SPESP1: variants seen among roughly 807,000 people sequenced by gnomAD.
SPESP1 encodes equatorial segment protein.
A neutral mutation model predicts 3.1 loss-of-function variants in SPESP1; 1 was observed. The observed-to-expected ratio is 0.33, with a 90% CI of 0.12 to 1.54. The LOEUF is 1.54. Among genes scored for constraint, SPESP1 ranks in the 40% most tolerant of loss-of-function variants. SPESP1 has a pLI of 0.38. For missense variants in SPESP1, 398 were observed against 410.1 expected, an observed-to-expected ratio of 0.97 and a Z score of 0.26; for synonymous variants, 138 against 150.7, an observed-to-expected ratio of 0.92 and a Z score of 0.62.
chr15:68,937,591 C>T (rs551715426), intron 1 of SPESP1, among the ~76,000 whole-genome samples: 4 of 152,076 alleles, frequency 2.6e-5, no homozygotes, highest in Non-Finnish European at 5.9e-5. Flanking sequence ...CATCTATTGG[C>T]CCATCCTTTA....
chr15:68,938,937 T>C (rs1373217907), intron 1 of SPESP1, among the ~76,000 whole-genome samples: 1 of 152,242 alleles, frequency 6.6e-6, no homozygotes, highest in Non-Finnish European at 1.5e-5. Context: ...TGGAAGCTAT[T>C]AGGATCTTTT....
intron 1 of SPESP1, among the ~76,000 whole-genome samples, chr15:68,943,068 A>G (rs772999746): frequency 3.3e-5 from 5 of 150,868 alleles, no homozygotes; most frequent in Middle Eastern, 3.4e-3. Context: ...ACTATATTAA[A>G]TGATTGGTGT....
chr15:68,939,420 A>G (rs1895761319), intron 1 of SPESP1, among the ~76,000 whole-genome samples: 1 of 152,228 alleles, frequency 6.6e-6, no homozygotes, highest in Non-Finnish European at 1.5e-5. Flanking sequence ...AATGGAGAAA[A>G]ACAGGTTTTC....
rs1595724613 is a variant in SPESP1, at chr15:68,946,274, A to G, written c.740A>G (p.Asn247Ser). ...VQQALLSDTS[N>S]PAYREDIEAS... Reference sequence around the variant, plus strand: ...CAGGCACTTCTTAGTGACACCAGCAACCCAGCATATAGAGAAGATATTGAA... The same window carrying G: ...CAGGCACTTCTTAGTGACACCAGCAGCCCAGCATATAGAGAAGATATTGAA... Residue 247 changes from asparagine (N) to serine (S), a missense_variant, in exon 2 of 2, where the codon AAC (asparagine) becomes AGC (serine). Asn to Ser is a conservative substitution (Grantham distance 46). Coordinates refer to ENST00000310673, the MANE Select transcript of SPESP1 (RefSeq NM_145658.4). The G allele has an allele frequency of 6.2e-7, 1 of 1,614,122 alleles. No homozygotes were observed. Among genetic ancestry groups the G allele is most frequent in the East Asian group, 2.2e-5 (1 of 44,894 alleles).
chr15:68,946,019 T>C lies in SPESP1; in HGVS notation c.485T>C (p.Leu162Ser). 1 of 1,614,176 alleles carries C rather than the reference T, an allele frequency of 6.2e-7. No homozygotes were observed. The highest frequency in any genetic ancestry group is 8.5e-7 in the Non-Finnish European group (1 of 1,180,022). ...AAACAAACTGAGGCACCAAGAATGTTGCCAGTTGTTACTGAATCATCTACA... is the reference window on the plus strand; with the variant it reads ...AAACAAACTGAGGCACCAAGAATGTCGCCAGTTGTTACTGAATCATCTACA... Reference protein sequence around the residue: ...AAKQTEAPRMLPVVTESSTSP... With the variant: ...AAKQTEAPRMSPVVTESSTSP... Residue 162 changes from leucine (L) to serine (S), a missense_variant, in exon 2 of 2, where the codon TTG (leucine) becomes TCG (serine). Transcript: ENST00000310673.
intron 1 of SPESP1, among the ~76,000 whole-genome samples, chr15:68,940,592 A>G (rs1895794965): frequency 1.3e-5 from 2 of 151,840 alleles, no homozygotes; most frequent in South Asian, 2.1e-4. Flanking sequence ...TTTCCCTTGC[A>G]ATTTAATTGT....
intron 1 of SPESP1, among the ~76,000 whole-genome samples, chr15:68,938,482 A>G: frequency 6.6e-6 from 1 of 152,070 alleles, no homozygotes; most frequent in Non-Finnish European, 1.5e-5. Context: ...TGCGAAAGGG[A>G]TGCATTTTGG....
rs1895805012 is a variant in SPESP1, at chr15:68,940,874, A to G, written c.65-4725A>G. On this transcript the variant is annotated intron_variant, in intron 1 of 1. Transcript: ENST00000310673. Reference sequence around the variant, plus strand: ...ATACATAGCCATAGAAAATTATTGCAAAATGATCATATTTTAATTATAAAC... The same window carrying G: ...ATACATAGCCATAGAAAATTATTGCGAAATGATCATATTTTAATTATAAAC... Among the ~76,000 whole-genome samples the G allele has an allele frequency of 1.3e-5, 2 of 151,900 alleles. 1 individual carries two copies. Among genetic ancestry groups the G allele is most frequent in the South Asian group, 4.1e-4 (2 of 4,828 alleles).
chr15:68,930,928 C>T (rs982886707), intron 1 of SPESP1, among the ~76,000 whole-genome samples: 1 of 152,152 alleles, frequency 6.6e-6, no homozygotes, highest in Non-Finnish European at 1.5e-5. Flanking sequence ...CCAGATGAGA[C>T]GGGAAGCGCC....
At chr15:68,932,387 T>C (rs550803528) in intron 1 of SPESP1, among the ~76,000 whole-genome samples, 786 of 136,068 alleles carry the variant, frequency 5.8e-3, no homozygotes, top group African/African-American at 0.011. Context: ...CCTTCCCTTT[T>C]CCCCCCCTTT....
chr15:68,932,612 G>A (rs946691722), intron 1 of SPESP1, among the ~76,000 whole-genome samples: 2 of 152,070 alleles, frequency 1.3e-5, no homozygotes, highest in African/African-American at 2.4e-5. Context: ...GGCTGGTCTC[G>A]AGCTCCTGAC....
intron 1 of SPESP1, among the ~76,000 whole-genome samples, chr15:68,934,338 A>C (rs1215024613): frequency 6.6e-6 from 1 of 152,328 alleles, no homozygotes; most frequent in African/African-American, 2.4e-5. Flanking sequence ...AATTGTTTGA[A>C]TCTATCACCA....
intron 1 of SPESP1, among the ~76,000 whole-genome samples, chr15:68,933,816 G>A (rs1895614562): frequency 6.6e-6 from 1 of 150,396 alleles, no homozygotes; most frequent in Non-Finnish European, 1.5e-5. Context: ...CTGAGATGGC[G>A]CCACTGCATT....
intron 1 of SPESP1, among the ~76,000 whole-genome samples, chr15:68,943,171 C>T (rs893834828): frequency 1.3e-5 from 2 of 151,878 alleles, no homozygotes; most frequent in African/African-American, 4.8e-5. Context: ...AATTGAGTCC[C>T]ACTGCCTCTC....
At chr15:68,932,879 C>G (rs1895586227) in intron 1 of SPESP1, among the ~76,000 whole-genome samples, 3 of 152,298 alleles carry the variant, frequency 2.0e-5, no homozygotes, top group African/African-American at 7.2e-5. Context: ...TATGTAATTA[C>G]CTTTCTTCTA....
At chr15:68,940,723 A>G (rs1895799410) in intron 1 of SPESP1, among the ~76,000 whole-genome samples, 1 of 145,642 alleles carries the variant, frequency 6.9e-6, no homozygotes, top group Non-Finnish European at 1.5e-5. Context: ...ATTGTTAGTT[A>G]TATCTAGGGA....
chr15:68,945,993 A>G lies in SPESP1; in HGVS notation c.459A>G (p.Ala153=). The change falls in exon 2 of 2, where the codon GCA becomes GCG. Residue 153 remains alanine (A), a synonymous_variant. Transcript: ENST00000310673. The stretch of plus-strand genomic sequence containing the variant: ...CAGAGCCAGAGCCGGAGCCAGCTGC[A>G]AAACAAACTGAGGCACCAAGAATGT... ...EEPEPEPEPA[A]KQTEAPRMLP... The G allele has an allele frequency of 1.2e-6, 2 of 1,614,200 alleles. No homozygotes were observed. Among genetic ancestry groups the G allele is most frequent in the Non-Finnish European group, 1.7e-6 (2 of 1,180,028 alleles).
At chr15:68,943,774 TA>T (rs1895889101) in intron 1 of SPESP1, among the ~76,000 whole-genome samples, 1 of 152,012 alleles carries the variant, frequency 6.6e-6, no homozygotes, top group African/African-American at 2.4e-5. Flanking sequence ...AGAGATTTTG[TA>T]AAACTGTTAA....
At chr15:68,940,800 G>T in intron 1 of SPESP1, among the ~76,000 whole-genome samples, 3 of 144,578 alleles carry the variant, frequency 2.1e-5, no homozygotes, top group Admixed American at 6.9e-5. Flanking sequence ...GTGGTGTTGT[G>T]TTCTTCCATC....
Sources: gnomAD v4.1 joint callset for allele counts (sites outside exome capture counted in the v4.1 genomes callset) on GRCh38, gnomAD v4.1.1 for gene constraint, MANE v1.5 for transcripts, NCBI Gene and HGNC (gene_info 2026-07-23, HGNC 2026-07-21) for gene names.